The following DLC1 variants were observed in gnomAD, a reference collection of about 807,000 sequenced individuals.
DLC1 encodes the protein DLC1 Rho GTPase activating protein.
In DLC1, 54 loss-of-function variants were observed where a neutral mutation model predicts 140.3. The observed-to-expected ratio is 0.38, with a 90% confidence interval of 0.31 to 0.48. The LOEUF is 0.48. Among genes scored for constraint, DLC1 ranks in the 20% least tolerant of loss-of-function variants. The probability of loss-of-function intolerance (pLI) is 0.96; values close to 1 mark genes in which losing one functional copy is unlikely to be tolerated. For missense variants in DLC1, 2,536 were observed against 1,907.0 expected (o/e 1.33, Z -6.14); for synonymous variants, 986 against 728.1 (o/e 1.35, Z -5.70).
In DLC1 at chr8:13,437,729, C is replaced by T. The variant is rs1162852870; in HGVS notation, c.1024-36110G>A. Among the ~76,000 whole-genome samples, 4 of 152,280 alleles carry T rather than the reference C, an allele frequency of 2.6e-5. No homozygotes were observed. The East Asian group carries it at 7.7e-4, about 29-fold the overall frequency. ...TATCTTTCAGTCCATGACCTGGCTG[C>T]AGATGATGTGTTTAAAACTCCCAAC... On this transcript the variant is annotated intron_variant, in intron 2 of 17. Coordinates refer to ENST00000276297, the MANE Select transcript of DLC1 (RefSeq NM_182643.3).
At chr8:13,181,166 CA>C (rs1826008012) in intron 5 of DLC1, among the ~76,000 whole-genome samples, 1 of 152,010 alleles carries the variant, frequency 6.6e-6, no homozygotes, top group Non-Finnish European at 1.5e-5. Context: ...AACCCAGGAA[CA>C]AAAGGGACCT....
chr8:13,115,446 T>C lies in DLC1; in HGVS notation c.1420+140A>G, dbSNP rs1407442402. 2.0e-5 allele frequency: 15 copies of C among 767,962 alleles called. 1 individual carries two copies. In the South Asian group the frequency reaches 3.6e-4, roughly 19 times the overall value. 47.6% of individuals were successfully genotyped at this position (767,962 alleles called of 1,614,324 possible). ...TAGCTTTTGTTTTCAGCGGTGGGGGTCTTGCATGCTTACAACATTTTTTTT... is the reference window on the plus strand; with the variant it reads ...TAGCTTTTGTTTTCAGCGGTGGGGGCCTTGCATGCTTACAACATTTTTTTT... On this transcript the variant is annotated intron_variant, in intron 6 of 17. Transcript: ENST00000276297.
At position 13,493,550 on chromosome 8, in the gene DLC1, A is replaced by G. The variant is rs80098470; in HGVS notation, c.1023+5499T>C. Among the ~76,000 whole-genome samples the G allele has an allele frequency of 1.5e-4, 23 of 152,326 alleles. No individual in the cohort carries two copies. In the East Asian group the frequency reaches 4.4e-3, roughly 29 times the overall value. On this transcript the variant is annotated intron_variant, in intron 2 of 17. Transcript: ENST00000276297. The stretch of plus-strand genomic sequence containing the variant: ...GTTCCAAACATTGATCATGTCTGAG[A>G]ACATATGTGCTGAGAACGTTCAATA...
intron 4 of DLC1, among the ~76,000 whole-genome samples, chr8:13,360,875 CATT>C (rs201795740): frequency 5.2e-5 from 7 of 135,880 alleles, no homozygotes; most frequent in Admixed American, 3.1e-4. Flanking sequence ...GTTTTATACA[CATT>C]ATTTTTTTTT....
intron 5 of DLC1, among the ~76,000 whole-genome samples, chr8:13,149,609 G>T (rs1362227591): frequency 6.6e-6 from 1 of 152,052 alleles, no homozygotes; most frequent in Non-Finnish European, 1.5e-5. Flanking sequence ...CACTCTTCCT[G>T]CCCAAGCATG....
chr8:13,154,926 A>G (rs1267818461), intron 5 of DLC1, among the ~76,000 whole-genome samples: 2 of 152,204 alleles, frequency 1.3e-5, no homozygotes, highest in Admixed American at 1.3e-4. Flanking sequence ...TAAATTTAAA[A>G]AACTTATGTT....
At chr8:13,096,833 G>A (rs779142950) in intron 10 of DLC1, among the ~76,000 whole-genome samples, 38 of 152,110 alleles carry the variant, frequency 2.5e-4, no homozygotes, top group Admixed American at 4.6e-4. Context: ...TGAAATGGGC[G>A]GCTTCTCCAT....
intron 1 of DLC1, among the ~76,000 whole-genome samples, chr8:13,560,711 C>A (rs990174510): frequency 2.0e-5 from 3 of 152,024 alleles, no homozygotes; most frequent in Admixed American, 1.3e-4. Context: ...AAGAGAAAAT[C>A]AGGTTGAAAT....
chr8:13,604,448 CTT>C (rs1805982088), intron 1 of DLC1: 2 of 152,114 alleles, frequency 1.3e-5, no homozygotes, highest in Admixed American at 1.3e-4. Flanking sequence ...TTTAGAAAGA[CTT>C]TAACATGCAA....
Position 13,133,101 on chromosome 8 carries a change from A to G in DLC1, c.1349-17444T>C, listed in dbSNP as rs541294821. 1.7e-4 allele frequency: 253 copies of G among 1,488,994 alleles called. No homozygotes were observed. The Middle Eastern group carries it at 1.8e-3, about 11-fold the overall frequency. 92.2% of individuals were successfully genotyped at this position (1,488,994 alleles called of 1,614,324 possible). ...CGCGCGCCCTCGCGGTCCTCAACGCATCCTTGCTCGCCGCTCCCTGCCCCT... is the reference window on the plus strand; with the variant it reads ...CGCGCGCCCTCGCGGTCCTCAACGCGTCCTTGCTCGCCGCTCCCTGCCCCT... On this transcript the variant is annotated intron_variant, in intron 5 of 17. Coordinates refer to ENST00000276297, the MANE Select transcript of DLC1 (RefSeq NM_182643.3).
chr8:13,459,487 G>A (rs533475791), intron 2 of DLC1, among the ~76,000 whole-genome samples: 27 of 152,228 alleles, frequency 1.8e-4, no homozygotes, highest in Admixed American at 1.1e-3. Context: ...TAACTCTTTT[G>A]AGCATAATTA....
At chr8:13,397,185 C>G (rs1837087952) in intron 3 of DLC1, among the ~76,000 whole-genome samples, 1 of 152,036 alleles carries the variant, frequency 6.6e-6, no homozygotes, top group Non-Finnish European at 1.5e-5. Context: ...CTGGAGACCA[C>G]AAGAAAAGGT....
rs546787559 is a variant in DLC1, at chr8:13,121,068, A to G, written c.1349-5411T>C. Among the ~76,000 whole-genome samples, 492 of 152,320 alleles carry G rather than the reference A, an allele frequency of 3.2e-3. 5 individuals carry two copies. Among genetic ancestry groups the G allele is most frequent in the Middle Eastern group, 3.4e-3 (1 of 294 alleles). On this transcript the variant is annotated intron_variant, in intron 5 of 17. Transcript: ENST00000276297. The stretch of plus-strand genomic sequence containing the variant: ...AATATGCCACCAAAATCAGGCTTCG[A>G]TGCAAATGGTACAGTGAATTTTTTT...
intron 5 of DLC1, among the ~76,000 whole-genome samples, chr8:13,287,987 C>T (rs1408425514): frequency 2.0e-5 from 3 of 151,712 alleles, no homozygotes; most frequent in East Asian, 3.9e-4. Flanking sequence ...TCTTTAAATT[C>T]ATACGTTATC....
chr8:13,533,071 T>C, intron 1 of DLC1, among the ~76,000 whole-genome samples: 1 of 152,228 alleles, frequency 6.6e-6, no homozygotes, highest in Non-Finnish European at 1.5e-5. Context: ...GTTGAAACGC[T>C]ATGTGTCATT....
chr8:13,340,672 T>G (rs1833999425), intron 4 of DLC1: 1 of 152,256 alleles, frequency 6.6e-6, no homozygotes, highest in Non-Finnish European at 1.5e-5. Flanking sequence ...AGCTGATTCT[T>G]CAAAACGTTA....
At chr8:13,540,332 C>T (rs1018944474) in intron 1 of DLC1, among the ~76,000 whole-genome samples, 17 of 152,116 alleles carry the variant, frequency 1.1e-4, no homozygotes, top group Admixed American at 1.3e-4. Flanking sequence ...TAAAAATGGG[C>T]TTAAATTTAA....
At chr8:13,255,629 G>A (rs1186675349) in intron 5 of DLC1, among the ~76,000 whole-genome samples, 1 of 152,108 alleles carries the variant, frequency 6.6e-6, no homozygotes, top group Admixed American at 6.5e-5. Context: ...ACCTTGCATG[G>A]CCAGCTTTCA....
chr8:13,295,807 C>T (rs962607403), intron 5 of DLC1, among the ~76,000 whole-genome samples: 3 of 152,000 alleles, frequency 2.0e-5, no homozygotes, highest in Non-Finnish European at 4.4e-5. Context: ...TAGGATCAAT[C>T]AACACTTTTC....
Sources: allele counts gnomAD v4.1 joint callset (sites outside exome capture counted in the v4.1 genomes callset), GRCh38; gene constraint gnomAD v4.1.1; transcripts MANE v1.5; gene names NCBI Gene and HGNC (gene_info 2026-07-23, HGNC 2026-07-21).